The following BGLAP variants were observed in gnomAD, a reference collection of about 807,000 sequenced individuals.
BGLAP encodes osteocalcin.
BGLAP carries 15 observed loss-of-function variants against 13.7 expected under a neutral mutation model. That is an observed-to-expected ratio of 1.09 (90% CI 0.73 to 1.68). BGLAP has a LOEUF of 1.68. Ranked by LOEUF, BGLAP falls within the 40% of genes most tolerant of loss-of-function variation. The pLI is 0.00. For synonymous variants in BGLAP, 67 were observed against 56.2 expected (o/e 1.19, Z -0.86); for missense variants, 120 against 134.3 (o/e 0.89, Z 0.53).
chr1:156,242,243 C>A lies in BGLAP; in HGVS notation c.12C>A (p.Leu4=). 1 of 1,613,516 alleles carries A rather than the reference C, an allele frequency of 6.2e-7. No homozygotes were observed. Among genetic ancestry groups the A allele is most frequent in the Non-Finnish European group, 8.5e-7 (1 of 1,179,950 alleles). MRA[L]TLLALLALAA... Reference sequence around the variant, plus strand: ...GCCACCGAGACACCATGAGAGCCCTCACACTCCTCGCCCTATTGGCCCTGG... The same window carrying A: ...GCCACCGAGACACCATGAGAGCCCTAACACTCCTCGCCCTATTGGCCCTGG... Residue 4 remains leucine, a synonymous_variant, in exon 1 of 4, where the codon CTC becomes CTA. Transcript: ENST00000368272.
In BGLAP at chr1:156,243,044, C is replaced by A. The variant is rs1339084429; in HGVS notation, c.185C>A (p.Pro62His). The A allele has an allele frequency of 1.2e-6, 2 of 1,614,166 alleles. No individual in the cohort carries two copies. The highest frequency in any genetic ancestry group is 4.5e-5 in the East Asian group (2 of 44,886). The change falls in exon 4 of 4, where the codon CCC (proline) becomes CAC (histidine). Residue 62 changes from proline to histidine, a missense_variant. Coordinates refer to ENST00000368272, the MANE Select transcript of BGLAP (RefSeq NM_199173.6). ...YLYQWLGAPV[P>H]YPDPLEPRRE... ...GTCGGGTGTCTCAGAGCCCCAGTCC[C>A]CTACCCGGATCCCCTGGAGCCCAGG...
In BGLAP at chr1:156,242,461, G is replaced by A. The variant is rs1365744795; in HGVS notation, c.65-92G>A. 27 of 1,549,714 alleles carry A rather than the reference G, an allele frequency of 1.7e-5. No individual in the cohort carries two copies. In the East Asian group the frequency reaches 6.1e-4, roughly 35 times the overall value. ...CCAGCTCTGCCCTTGCAGAGGGAGAGGAGGGAAGAGCAAGCTGCCCGAGAC... is the reference window on the plus strand; with the variant it reads ...CCAGCTCTGCCCTTGCAGAGGGAGAAGAGGGAAGAGCAAGCTGCCCGAGAC... On this transcript the variant is annotated intron_variant, in intron 1 of 3. Transcript: ENST00000368272.
intron 3 of BGLAP, 87 bp downstream of exon 3, chr1:156,242,918 T>C: frequency 6.3e-7 from 1 of 1,575,278 alleles, no homozygotes; most frequent in South Asian, 1.2e-5. Flanking sequence ...CCTCTCTGGG[T>C]TGTGGTGGGG....
chr1:156,242,922 G>C, intron 3 of BGLAP, 91 bp downstream of exon 3: 1 of 1,578,036 alleles, frequency 6.3e-7, no homozygotes, highest in South Asian at 1.2e-5. Flanking sequence ...TCTGGGTTGT[G>C]GTGGGGGTAC....
Position 156,242,834 on chromosome 1 carries a change from G to A in BGLAP, c.173+3G>A. 1.9e-6 allele frequency: 3 copies of A among 1,592,414 alleles called. No homozygotes were observed. Among genetic ancestry groups the A allele is most frequent in the African/African-American group, 1.3e-5 (1 of 74,426 alleles). ...CGCTACCTGTATCAATGGCTGGGGT[G>A]AGAGAAAAGGCAGAGCTGGGCCAAG... On this transcript the variant is annotated splice_donor_region_variant and intron_variant, in intron 3 of 3. Coordinates refer to ENST00000368272, the MANE Select transcript of BGLAP (RefSeq NM_199173.6).
In BGLAP at chr1:156,243,101, A is replaced by G; in HGVS notation, c.242A>G (p.Asp81Gly). 6.2e-7 allele frequency: 1 copy of G among 1,614,092 alleles called. No homozygotes were observed. The highest frequency in any genetic ancestry group is 1.3e-5 in the African/African-American group (1 of 75,020). Residue 81 changes from aspartate (D) to glycine (G), a missense_variant, in exon 4 of 4, where the codon GAC becomes GGC. Physicochemically the swap from Asp to Gly is moderately conservative, Grantham distance 94. Coordinates refer to ENST00000368272, the MANE Select transcript of BGLAP (RefSeq NM_199173.6). ...GTGTGTGAGCTCAATCCGGACTGTG[A>G]CGAGTTGGCTGACCACATCGGCTTT... Reference protein sequence around the residue: ...REVCELNPDCDELADHIGFQE... With the variant: ...REVCELNPDCGELADHIGFQE...
chr1:156,242,708 C>T, intron 2 of BGLAP, 54 bp from the exon 3 acceptor site: 6 of 1,603,180 alleles, frequency 3.7e-6, no homozygotes, highest in South Asian at 1.1e-5. Context: ...GCCTGCTCCC[C>T]ACCTGATCCT....
Position 156,242,224 on chromosome 1 carries a change from G to A in BGLAP, c.-8G>A, listed in dbSNP as rs1176650361. 5 of 1,612,564 alleles carry A rather than the reference G, an allele frequency of 3.1e-6. No individual in the cohort carries two copies. Among genetic ancestry groups the A allele is most frequent in the Admixed American group, 1.7e-5 (1 of 59,998 alleles). On this transcript the variant is annotated 5_prime_UTR_variant, in exon 1 of 4. Coordinates refer to ENST00000368272, the MANE Select transcript of BGLAP (RefSeq NM_199173.6). The stretch of plus-strand genomic sequence containing the variant: ...TGAGCAGCAGCCCAGCGCAGCCACC[G>A]AGACACCATGAGAGCCCTCACACTC...
In BGLAP at chr1:156,243,304, C is replaced by A; in HGVS notation, c.*142C>A. ...ATCATCCCAGCTGCTCCCAAATAAA[C>A]TCCAGAAGAGGAATCTGTGGGCCTG... On this transcript the variant is annotated 3_prime_UTR_variant, in exon 4 of 4. Coordinates refer to ENST00000368272, the MANE Select transcript of BGLAP (RefSeq NM_199173.6). 7.2e-7 allele frequency: 1 copy of A among 1,394,088 alleles called. No individual in the cohort carries two copies. Among genetic ancestry groups the A allele is most frequent in the Non-Finnish European group, 9.7e-7 (1 of 1,032,782 alleles). The allele number at this position is 1,394,088 out of a possible 1,614,324, so 86.4% of individuals were successfully genotyped here.
Position 156,242,212 on chromosome 1 carries a change from A to C in BGLAP, c.-20A>C. 6.2e-7 allele frequency: 1 copy of C among 1,610,966 alleles called. No individual in the cohort carries two copies. Among genetic ancestry groups the C allele is most frequent in the East Asian group, 2.2e-5 (1 of 44,776 alleles). On this transcript the variant is annotated 5_prime_UTR_variant, in exon 1 of 4. Coordinates refer to ENST00000368272, the MANE Select transcript of BGLAP (RefSeq NM_199173.6). ...CCAGCTGAGTCCTGAGCAGCAGCCC[A>C]GCGCAGCCACCGAGACACCATGAGA...
At chr1:156,242,739 A>G in intron 2 of BGLAP, 23 bp from the exon 3 acceptor site, 1 of 1,590,866 alleles carries the variant, frequency 6.3e-7, no homozygotes, top group Non-Finnish European at 8.6e-7. Context: ...GAGCCACCTG[A>G]TGCCTGCCCC....
chr1:156,242,566 C>T lies in BGLAP; in HGVS notation c.78C>T (p.Ser26=), dbSNP rs1251034119. The T allele has an allele frequency of 5.9e-5, 91 of 1,552,878 alleles. No homozygotes were observed. Among genetic ancestry groups the T allele is most frequent in the South Asian group, 3.9e-4 (33 of 84,298 alleles). ...CIAGQAGAKP[S]GAESSKGAAF... ...TTTCCTTTGCAGGTGCGAAGCCCAG[C>T]GGTGCAGAGTCCAGCAAAGGTGCAG... The change falls in exon 2 of 4, where the codon AGC becomes AGT. Residue 26 remains serine (S), a synonymous_variant. Transcript: ENST00000368272.
rs753142503 is a variant in BGLAP, at chr1:156,243,078, G to A, written c.219G>A (p.Val73=). The A allele has an allele frequency of 2.5e-6, 4 of 1,614,210 alleles. No homozygotes were observed. The highest frequency in any genetic ancestry group is 3.4e-6 in the Non-Finnish European group (4 of 1,180,028). The part of the protein sequence containing the change: ...YPDPLEPRRE[V]CELNPDCDEL... ...ATCCCCTGGAGCCCAGGAGGGAGGT[G>A]TGTGAGCTCAATCCGGACTGTGACG... Residue 73 remains valine, a synonymous_variant, in exon 4 of 4, where the codon GTG becomes GTA. Coordinates refer to ENST00000368272, the MANE Select transcript of BGLAP (RefSeq NM_199173.6).
intron 2 of BGLAP, 52 bp from the exon 3 acceptor site, chr1:156,242,710 C>A (rs1396995607): frequency 6.2e-7 from 1 of 1,602,412 alleles, no homozygotes; most frequent in Non-Finnish European, 8.5e-7. Flanking sequence ...CTGCTCCCCA[C>A]CTGATCCTCC....
rs1222160828 is a variant in BGLAP at position 156,242,491 on chromosome 1, G to A, written c.65-62G>A. ...GAAGAGCAAGCTGCCCGAGACGCAG[G>A]GGAAGGAGGATGAGGGCCCTGGGGA... is the stretch of plus-strand genomic sequence containing the variant. On this transcript the variant is annotated intron_variant, in intron 1 of 3. Coordinates refer to ENST00000368272, the MANE Select transcript of BGLAP (RefSeq NM_199173.6). 1.1e-5 allele frequency: 17 copies of A among 1,551,464 alleles called. No homozygotes were observed. In the East Asian group the frequency reaches 3.4e-4, roughly 31 times the overall value.
rs749336055 is a variant in BGLAP at position 156,243,186 on chromosome 1, G to A, written c.*24G>A. Reference sequence around the variant, plus strand: ...AGGGTGTCGCTCTGCTGGCCTGGCCGGCAACCCCAGTTCTGCTCCTCTCCA... The same window carrying A: ...AGGGTGTCGCTCTGCTGGCCTGGCCAGCAACCCCAGTTCTGCTCCTCTCCA... On this transcript the variant is annotated 3_prime_UTR_variant, in exon 4 of 4. Transcript: ENST00000368272. The A allele has an allele frequency of 8.1e-6, 13 of 1,611,752 alleles. No homozygotes were observed. Among genetic ancestry groups the A allele is most frequent in the East Asian group, 2.2e-5 (1 of 44,852 alleles).
rs35330985 is a variant in BGLAP at position 156,242,569 on chromosome 1, T to C, written c.81T>C (p.Gly27=). ...IAGQAGAKPS[G]AESSKGAAFV... ...CCTTTGCAGGTGCGAAGCCCAGCGG[T>C]GCAGAGTCCAGCAAAGGTGCAGGTA... is the stretch of plus-strand genomic sequence containing the variant. Residue 27 remains glycine, a synonymous_variant, in exon 2 of 4, where the codon GGT becomes GGC. Coordinates refer to ENST00000368272, the MANE Select transcript of BGLAP (RefSeq NM_199173.6). 2.6e-3 allele frequency: 4,041 copies of C among 1,553,118 alleles called. 16 individuals are homozygous for C. The highest frequency in any genetic ancestry group is 4.7e-3 in the South Asian group (393 of 84,348).
At position 156,242,299 on chromosome 1, in the gene BGLAP, A is replaced by C. The variant is rs1265271466; in HGVS notation, c.64+4A>C. The C allele has an allele frequency of 6.2e-7, 1 of 1,612,130 alleles. No individual in the cohort carries two copies. The highest frequency in any genetic ancestry group is 2.2e-5 in the East Asian group (1 of 44,706). On this transcript the variant is annotated splice_donor_region_variant and intron_variant, in intron 1 of 3. Coordinates refer to ENST00000368272, the MANE Select transcript of BGLAP (RefSeq NM_199173.6). ...CTTTGCATCGCTGGCCAGGCAGGTG[A>C]GTGCCCCCACCTCCCCTCAGGCCGC...
At chr1:156,242,375 C>T (rs1293041390) in intron 1 of BGLAP, 80 bp downstream of exon 1, 5 of 1,562,956 alleles carry the variant, frequency 3.2e-6, no homozygotes, top group Non-Finnish European at 3.5e-6. Context: ...CTCTTCTCAC[C>T]CCTTTGGCTG....
Sources: allele counts gnomAD v4.1 joint callset, GRCh38; gene constraint gnomAD v4.1.1; transcripts MANE v1.5; gene names NCBI Gene and HGNC (gene_info 2026-07-23, HGNC 2026-07-21).